Variants in ACVR1C observed in about 807,000 individuals in gnomAD.
ACVR1C encodes the protein activin receptor type-1C.
In ACVR1C, 23 loss-of-function variants were observed where a neutral mutation model predicts 57.9. The ratio of observed to expected loss-of-function variants is 0.40; its 90% CI spans 0.29 to 0.56. The LOEUF (loss-of-function observed/expected upper bound fraction) is 0.56, where lower values mean the gene tolerates loss of function less well. ACVR1C is among the 20% of genes least tolerant of loss of function. The probability of loss-of-function intolerance (pLI) is 0.50; values close to 1 mark genes in which losing one functional copy is unlikely to be tolerated. For missense variants in ACVR1C, 480 were observed against 607.9 expected (o/e 0.79, Z 2.21); for synonymous variants, 214 against 215.3 (o/e 0.99, Z 0.05).
intron 2 of ACVR1C, among the ~76,000 whole-genome samples, chr2:157,566,404 G>A (rs1688379849): frequency 6.6e-6 from 1 of 152,226 alleles, no homozygotes; most frequent in South Asian, 2.1e-4. Flanking sequence ...CTCCCAGCGT[G>A]AGCGACGCAG....
chr2:157,545,060 A>G (rs1309115217), intron 4 of ACVR1C, among the ~76,000 whole-genome samples: 2 of 152,224 alleles, frequency 1.3e-5, no homozygotes, highest in East Asian at 3.8e-4. Context: ...TAAAAGCTCT[A>G]ACATTCTAAA....
intron 1 of ACVR1C, among the ~76,000 whole-genome samples, chr2:157,605,012 G>C (rs902632652): frequency 2.0e-5 from 3 of 151,676 alleles, no homozygotes; most frequent in Non-Finnish European, 4.4e-5. Context: ...TTTTCTTTTA[G>C]AAGTTTTTAT....
At chr2:157,592,538 A>T (rs1468035587) in intron 1 of ACVR1C, among the ~76,000 whole-genome samples, 1 of 152,150 alleles carries the variant, frequency 6.6e-6, no homozygotes, top group East Asian at 1.9e-4. Flanking sequence ...CATTTATTCC[A>T]GTTCAACTGG....
chr2:157,614,865 A>G (rs1219280383), intron 1 of ACVR1C, among the ~76,000 whole-genome samples: 1 of 152,072 alleles, frequency 6.6e-6, no homozygotes, highest in African/African-American at 2.4e-5. Flanking sequence ...CTTTCAATCT[A>G]TTTGTCTCTT....
intron 2 of ACVR1C, among the ~76,000 whole-genome samples, chr2:157,562,868 CCA>C (rs1173541303): frequency 2.3e-5 from 3 of 133,288 alleles, no homozygotes; most frequent in Non-Finnish European, 5.3e-5. Context: ...ATGACAAAAA[CCA>C]CATGATTATC....
Position 157,534,020 on chromosome 2 carries a change from T to A in ACVR1C, c.1380A>T (p.Ile460=). The change falls in exon 9 of 9, where the codon ATA becomes ATT. Residue 460 remains isoleucine (I), a synonymous_variant. Transcript: ENST00000243349. ...CGTTGGCATACCAACACTCACGCAT[T>A]ATTCTCCCCATGACTCGGAGTGCCT... ...SCEALRVMGR[I]MRECWYANGA... 2 of 1,580,500 alleles carry A rather than the reference T, an allele frequency of 1.3e-6. No individual in the cohort carries two copies. Among genetic ancestry groups the A allele is most frequent in the African/African-American group, 2.8e-5 (2 of 72,476 alleles).
At chr2:157,600,942 T>C (rs770098099) in intron 1 of ACVR1C, among the ~76,000 whole-genome samples, 8 of 152,274 alleles carry the variant, frequency 5.3e-5, no homozygotes, top group South Asian at 2.1e-4. Flanking sequence ...AGCTGATGAA[T>C]GGGGAGCACA....
At chr2:157,536,205 T>C (rs1687483622) in intron 8 of ACVR1C, among the ~76,000 whole-genome samples, 1 of 152,086 alleles carries the variant, frequency 6.6e-6, no homozygotes, top group African/African-American at 2.4e-5. Context: ...TCTAATGAGT[T>C]CTCCAAAACT....
intron 8 of ACVR1C, 24 bp from the exon 9 acceptor site, chr2:157,534,067 A>G: frequency 6.7e-7 from 1 of 1,503,006 alleles, no homozygotes; most frequent in Non-Finnish European, 8.8e-7. Context: ...AAAAAAAATC[A>G]AAGACTTTAG....
chr2:157,609,255 T>C (rs996422834), intron 1 of ACVR1C, among the ~76,000 whole-genome samples: 11 of 152,014 alleles, frequency 7.2e-5, no homozygotes, highest in African/African-American at 2.7e-4. Flanking sequence ...TGTTGTTTAA[T>C]TCCCATGTAT....
intron 1 of ACVR1C, among the ~76,000 whole-genome samples, chr2:157,628,164 C>T (rs1390996901): frequency 6.6e-6 from 1 of 152,176 alleles, no homozygotes; most frequent in Non-Finnish European, 1.5e-5. Context: ...AGGGGCTTAG[C>T]ACAGAGCGCG....
intron 4 of ACVR1C, among the ~76,000 whole-genome samples, chr2:157,547,262 A>G (rs1258277724): frequency 2.5e-4 from 30 of 118,828 alleles, no homozygotes; most frequent in African/African-American, 7.8e-4. Flanking sequence ...ATTGTGAATA[A>G]TGCCGCAATA....
At chr2:157,572,529 G>A (rs984306908) in intron 2 of ACVR1C, among the ~76,000 whole-genome samples, 7 of 152,008 alleles carry the variant, frequency 4.6e-5, no homozygotes, top group Non-Finnish European at 5.9e-5. Context: ...TGTCCTATAC[G>A]TAATAATCAC....
chr2:157,553,117 C>A (rs1259517361), intron 3 of ACVR1C, among the ~76,000 whole-genome samples: 1 of 152,206 alleles, frequency 6.6e-6, no homozygotes, highest in Non-Finnish European at 1.5e-5. Context: ...TCCTCAGCAT[C>A]TGACAAACTG....
chr2:157,617,567 G>A (rs1682682203), intron 1 of ACVR1C, among the ~76,000 whole-genome samples: 1 of 151,952 alleles, frequency 6.6e-6, no homozygotes, highest in Non-Finnish European at 1.5e-5. Flanking sequence ...AAAAAGATTA[G>A]GTGAATGTAT....
intron 4 of ACVR1C, among the ~76,000 whole-genome samples, chr2:157,548,974 T>A (rs1210346665): frequency 6.6e-6 from 1 of 152,232 alleles, no homozygotes; most frequent in African/African-American, 2.4e-5. Context: ...CTAACAAAGT[T>A]GAACATTCAG....
chr2:157,554,201 G>GAGAGAGAGAGAAAGAAAGAAAGAA (rs1553481316), intron 3 of ACVR1C, among the ~76,000 whole-genome samples: 3 of 41,444 alleles, frequency 7.2e-5, no homozygotes, highest in African/African-American at 2.8e-4. Flanking sequence ...ATAAAGAAGA[G>GAGAGAGAGAGAAAGAAAGAAAGAA]AGAAAGAAAG....
At position 157,531,625 on chromosome 2, in the gene ACVR1C, T is replaced by C. The variant is rs1687351581; in HGVS notation, c.*2293A>G. ...ACGTACAACCATAGTAAATAAATAA[T>C]TTCGTTCTTATATATGCAGAAAAAC... On this transcript the variant is annotated 3_prime_UTR_variant, in exon 9 of 9. Transcript: ENST00000243349. 2 of 152,034 alleles carry C rather than the reference T, an allele frequency of 1.3e-5. No homozygotes were observed. Among genetic ancestry groups the C allele is most frequent in the Admixed American group, 1.3e-4 (2 of 15,226 alleles). 9.4% of individuals were successfully genotyped at this position (152,034 alleles called of 1,614,324 possible). A position where few individuals can be genotyped will look rare whatever the true frequency, so the allele number is the denominator to read the frequency against.
chr2:157,587,455 G>C (rs1558988316), intron 1 of ACVR1C, 38 bp from the exon 2 acceptor site: 2 of 1,408,992 alleles, frequency 1.4e-6, no homozygotes, highest in Non-Finnish European at 2.0e-6. Context: ...AAATACAAAA[G>C]ACATCATGCT....
Sources: allele counts gnomAD v4.1 joint callset (sites outside exome capture counted in the v4.1 genomes callset), GRCh38; gene constraint gnomAD v4.1.1; transcripts MANE v1.5; gene names NCBI Gene and HGNC (gene_info 2026-07-23, HGNC 2026-07-21).